The following C3orf20 variants were observed in gnomAD, a reference collection of about 807,000 sequenced individuals.
C3orf20 encodes the protein uncharacterized protein C3orf20.
A neutral mutation model predicts 88.3 loss-of-function variants in C3orf20; 76 were observed. That is an observed-to-expected ratio of 0.86 (90% CI 0.72 to 1.04). The LOEUF is 1.04. Ranked by LOEUF, C3orf20 falls within the 50% of genes least tolerant of loss-of-function variation. The pLI, the probability that C3orf20 is intolerant of heterozygous loss-of-function variation, is 0.00. For missense variants in C3orf20, 1,056 were observed against 1,123.3 expected (o/e 0.94, Z 0.86); for synonymous variants, 436 against 437.4 (o/e 1.00, Z 0.04).
At chr3:14,723,332 A>C (rs958867940) in intron 10 of C3orf20, among the ~76,000 whole-genome samples, 2 of 152,374 alleles carry the variant, frequency 1.3e-5, no homozygotes. Flanking sequence ...CCTGGAGGAA[A>C]GCATTGCATC....
At chr3:14,752,370 C>T (rs2035245013) in intron 12 of C3orf20, among the ~76,000 whole-genome samples, 1 of 152,080 alleles carries the variant, frequency 6.6e-6, no homozygotes, top group South Asian at 2.1e-4. Context: ...ACCTAAAAAC[C>T]ATAAAAACCC....
At position 14,704,445 on chromosome 3, in the gene C3orf20, C is replaced by T. The variant is rs777320067; in HGVS notation, c.987C>T (p.Asp329=). The T allele has an allele frequency of 5.0e-6, 8 of 1,614,048 alleles. No homozygotes were observed. The highest frequency in any genetic ancestry group is 5.1e-6 in the Non-Finnish European group (6 of 1,180,028). The change falls in exon 7 of 17, where the codon GAC becomes GAT. Residue 329 remains aspartate (D), a synonymous_variant. Coordinates refer to ENST00000253697, the MANE Select transcript of C3orf20 (RefSeq NM_032137.5). ...PSHLMLARKG[D]SQTPGLHYPP... is the part of the protein sequence containing the mutation. ...ATCTAATGTTGGCCCGCAAAGGAGA[C>T]TCTCAGACCCCGGGTTTACATTACC...
Position 14,684,271 on chromosome 3 carries a change from C to T in C3orf20, c.514C>T (p.Arg172Cys), listed in dbSNP as rs773454711. The T allele has an allele frequency of 2.2e-5, 36 of 1,614,098 alleles. 1 individual carries two copies. Among genetic ancestry groups the T allele is most frequent in the Non-Finnish European group, 2.6e-5 (31 of 1,180,020 alleles). Reference protein sequence around the residue: ...VGANPLDITRRFVEASQLLHL... With the variant: ...VGANPLDITRCFVEASQLLHL... ...TGCCAACCCCTTGGACATCACCAGG[C>T]GCTTTGTGGAGGCCAGCCAGCTCCT... The change falls in exon 4 of 17, where the codon CGC becomes TGC. Residue 172 changes from arginine (R) to cysteine (C), a missense_variant. By Grantham distance (180) the Arg-to-Cys change is radical. Transcript: ENST00000253697.
At position 14,675,208 on chromosome 3, in the gene C3orf20, T is replaced by C. The variant is rs1263725808; in HGVS notation, c.-343T>C. 1 of 152,124 alleles carries C rather than the reference T, an allele frequency of 6.6e-6. No homozygotes were observed. The allele number at this position is 152,124 out of a possible 1,614,324, so 9.4% of individuals were successfully genotyped here. Reference sequence around the variant, plus strand: ...TTTTAAGTCAGTAAATTGAACTAAGTCGGTTATTCGGCAAGCAGTTCCTAT... The same window carrying C: ...TTTTAAGTCAGTAAATTGAACTAAGCCGGTTATTCGGCAAGCAGTTCCTAT... On this transcript the variant is annotated 5_prime_UTR_variant, in exon 1 of 17. Transcript: ENST00000253697.
chr3:14,771,880 A>G (rs1017998472), intron 15 of C3orf20, among the ~76,000 whole-genome samples, 187 bp from the exon 16 acceptor site: 2 of 152,166 alleles, frequency 1.3e-5, no homozygotes, highest in East Asian at 1.9e-4. Context: ...CCAGCCCAAA[A>G]TAGAAGCCAG....
chr3:14,709,305 C>T (rs956715195), intron 7 of C3orf20, among the ~76,000 whole-genome samples: 2 of 152,068 alleles, frequency 1.3e-5, no homozygotes, highest in African/African-American at 2.4e-5. Context: ...ATGTCATCTG[C>T]CAACAGAGGT....
At chr3:14,678,512 C>A (rs962538258) in intron 1 of C3orf20, among the ~76,000 whole-genome samples, 9 of 152,236 alleles carry the variant, frequency 5.9e-5, no homozygotes, top group African/African-American at 2.2e-4. Flanking sequence ...AGGGCCCATG[C>A]CTTCCCCATC....
chr3:14,679,947 A>G (rs2031997198), intron 1 of C3orf20, among the ~76,000 whole-genome samples: 1 of 152,252 alleles, frequency 6.6e-6, no homozygotes, highest in Non-Finnish European at 1.5e-5. Flanking sequence ...AGGGAAATAC[A>G]AATCAGAACC....
intron 5 of C3orf20, among the ~76,000 whole-genome samples, chr3:14,693,869 A>G (rs370565275): frequency 6.6e-6 from 1 of 152,180 alleles, no homozygotes; most frequent in Non-Finnish European, 1.5e-5. Flanking sequence ...TATTCCTTCT[A>G]TACCCAGTTT....
At chr3:14,685,970 T>C (rs370160754) in intron 4 of C3orf20, among the ~76,000 whole-genome samples, 115 of 146,902 alleles carry the variant, frequency 7.8e-4, no homozygotes, top group African/African-American at 2.7e-3. Context: ...CACGCCATTC[T>C]CCTGCCTCAG....
At chr3:14,761,828 G>T (rs2125038789) in intron 15 of C3orf20, among the ~76,000 whole-genome samples, 1 of 152,212 alleles carries the variant, frequency 6.6e-6, no homozygotes, top group Middle Eastern at 3.4e-3. Flanking sequence ...GGGAGAGATG[G>T]GAGCAGGTGC....
rs1209432790 is a variant in C3orf20, at chr3:14,768,072, G to A, written c.2496-3995G>A. ...CTGTAACATGCTATCCAGATGGGAGGGGAAGCTCTTTACAGCTGCGCCACT... is the reference window on the plus strand; with the variant it reads ...CTGTAACATGCTATCCAGATGGGAGAGGAAGCTCTTTACAGCTGCGCCACT... On this transcript the variant is annotated intron_variant, in intron 15 of 16. Transcript: ENST00000253697. This position sits in a 1 kb window ranked among gnomAD's most constrained non-coding sequence, Gnocchi z 4.1. 1.3e-5 allele frequency among the ~76,000 whole-genome samples: 2 copies of A among 152,208 alleles called. No individual in the cohort carries two copies. The highest frequency in any genetic ancestry group is 1.3e-4 in the Admixed American group (2 of 15,282).
At chr3:14,697,827 T>C (rs2033077015) in intron 5 of C3orf20, among the ~76,000 whole-genome samples, 1 of 151,874 alleles carries the variant, frequency 6.6e-6, no homozygotes, top group Non-Finnish European at 1.5e-5. Context: ...TCTGTCCTTG[T>C]GATAGTTTGC....
At chr3:14,706,753 G>A (rs2033519278) in intron 7 of C3orf20, among the ~76,000 whole-genome samples, 2 of 151,962 alleles carry the variant, frequency 1.3e-5, no homozygotes, top group Non-Finnish European at 2.9e-5. Context: ...ATTATAAGAT[G>A]AGGAAGTTGA....
intron 12 of C3orf20, among the ~76,000 whole-genome samples, chr3:14,745,482 G>T (rs956490862): frequency 3.3e-5 from 5 of 152,200 alleles, no homozygotes; most frequent in Non-Finnish European, 7.3e-5. Context: ...GTCATGAATA[G>T]CTGTCATTCT....
chr3:14,691,616 CT>C (rs1216429128), intron 5 of C3orf20, among the ~76,000 whole-genome samples: 10 of 152,088 alleles, frequency 6.6e-5, no homozygotes, highest in Non-Finnish European at 1.5e-4. Flanking sequence ...ATTCATATAA[CT>C]TTTTTTAATT....
chr3:14,728,226 C>T (rs58392185), intron 11 of C3orf20, among the ~76,000 whole-genome samples: 1,676 of 152,250 alleles, frequency 0.011, 44 homozygotes, highest in African/African-American at 0.038. Flanking sequence ...CCTATTCATT[C>T]TTACAACACA....
intron 12 of C3orf20, among the ~76,000 whole-genome samples, chr3:14,731,141 A>G (rs2034529795): frequency 6.6e-6 from 1 of 152,164 alleles, no homozygotes; most frequent in African/African-American, 2.4e-5. Flanking sequence ...TTTGTAGCCA[A>G]ACCCTTCCCT....
intron 12 of C3orf20, among the ~76,000 whole-genome samples, chr3:14,746,486 TG>T (rs2035060822): frequency 6.6e-6 from 1 of 152,230 alleles, no homozygotes; most frequent in Admixed American, 6.5e-5. Context: ...GTAATTTAAT[TG>T]GTTATGACGA....
Sources: allele counts gnomAD v4.1 joint callset (sites outside exome capture counted in the v4.1 genomes callset), GRCh38; gene constraint gnomAD v4.1.1; non-coding constraint Gnocchi (gnomAD v3.1); transcripts MANE v1.5; gene names NCBI Gene and HGNC (gene_info 2026-07-23, HGNC 2026-07-21).